Variants in RYR3 observed in about 807,000 individuals in gnomAD.
The protein encoded by RYR3 is brain ryanodine receptor-calcium release channel.
A neutral mutation model predicts 584.3 loss-of-function variants in RYR3; 207 were observed. That is an observed-to-expected ratio of 0.35 (90% CI 0.32 to 0.40). The LOEUF (loss-of-function observed/expected upper bound fraction) is 0.40. Among genes scored for constraint, RYR3 ranks in the 10% least tolerant of loss-of-function variants. The pLI, the probability that RYR3 is intolerant of heterozygous loss-of-function variation, is 1.00. For synonymous variants in RYR3, 2,416 were observed against 2,248.5 expected (o/e 1.07, Z -2.11); for missense variants, 5,616 against 6,089.2 (o/e 0.92, Z 2.59).
chr15:33,698,495 G>A (rs2066023978), intron 40 of RYR3, among the ~76,000 whole-genome samples: 1 of 152,208 alleles, frequency 6.6e-6, no homozygotes, highest in Non-Finnish European at 1.5e-5. Context: ...CTGTTGCTAA[G>A]GGGAGAGTTG....
chr15:33,531,868 G>A (rs2054906246), intron 4 of RYR3, among the ~76,000 whole-genome samples: 2 of 151,930 alleles, frequency 1.3e-5, no homozygotes, highest in African/African-American at 4.8e-5. Context: ...TATCTATAGG[G>A]TAAATAAAAC....
chr15:33,594,818 G>T (rs1050310892), intron 16 of RYR3, among the ~76,000 whole-genome samples: 2 of 152,144 alleles, frequency 1.3e-5, no homozygotes, highest in African/African-American at 4.8e-5. Flanking sequence ...AAGGAAATTT[G>T]TTACCTCTGT....
rs2041238146 is a variant in RYR3 at position 33,382,216 on chromosome 15, A to T, written c.51+71120A>T. On this transcript the variant is annotated intron_variant, in intron 1 of 103. Transcript: ENST00000634891. Reference sequence around the variant, plus strand: ...AGCAAAGTGTGTAGGCAGCAGCCAGATCATAAGGGACTCGTCTGCTGAATT... The same window carrying T: ...AGCAAAGTGTGTAGGCAGCAGCCAGTTCATAAGGGACTCGTCTGCTGAATT... Among the ~76,000 whole-genome samples, 3 of 151,890 alleles carry T rather than the reference A, an allele frequency of 2.0e-5. 1 individual carries two copies. In the South Asian group the frequency reaches 6.2e-4, roughly 32 times the overall value.
intron 43 of RYR3, among the ~76,000 whole-genome samples, chr15:33,722,208 A>T (rs761817010): frequency 5.3e-5 from 8 of 152,140 alleles, no homozygotes; most frequent in Non-Finnish European, 1.0e-4. Flanking sequence ...AAGGAAGCAG[A>T]TTTGCATGCC....
At chr15:33,531,054 C>T (rs2054824172) in intron 4 of RYR3, among the ~76,000 whole-genome samples, 1 of 152,068 alleles carries the variant, frequency 6.6e-6, no homozygotes, top group African/African-American at 2.4e-5. Context: ...GGATAACCAG[C>T]ATAGAAGAAA....
In RYR3 at chr15:33,838,765, C is replaced by G. The variant is rs765319074; in HGVS notation, c.12785C>G (p.Thr4262Ser). Residue 4262 changes from threonine (T) to serine (S), a missense_variant, in exon 89 of 104, where the codon ACT (threonine) becomes AGT (serine). Coordinates refer to ENST00000634891, the MANE Select transcript of RYR3 (RefSeq NM_001036.6). ...RAEVMEPGIT[T>S]ELVHFIKGEK... is the part of the protein sequence containing the mutation. ...GAGGTGATGGAGCCAGGTATCACCA[C>G]TGAACTAGTACACTTCATAAAGGGG... 6.2e-7 allele frequency: 1 copy of G among 1,613,906 alleles called. No individual in the cohort carries two copies. Among genetic ancestry groups the G allele is most frequent in the Non-Finnish European group, 8.5e-7 (1 of 1,179,866 alleles).
intron 32 of RYR3, among the ~76,000 whole-genome samples, chr15:33,653,373 T>C (rs984913477): frequency 2.0e-5 from 3 of 152,134 alleles, no homozygotes; most frequent in African/African-American, 7.2e-5. Flanking sequence ...ATAAGATGCT[T>C]TAAAAATACA....
At chr15:33,616,627 TGAA>T (rs2060465969) in intron 19 of RYR3, among the ~76,000 whole-genome samples, 1 of 152,152 alleles carries the variant, frequency 6.6e-6, no homozygotes, top group East Asian at 1.9e-4. Context: ...TGTGTTGACT[TGAA>T]GAACCAACAG....
chr15:33,563,037 T>C, intron 11 of RYR3, 27 bp downstream of exon 11: 1 of 1,585,728 alleles, frequency 6.3e-7, no homozygotes, highest in Non-Finnish European at 8.6e-7. Flanking sequence ...CTGTCTACAA[T>C]TGTTTTACCC....
At chr15:33,537,793 T>G (rs2055454776) in intron 5 of RYR3, among the ~76,000 whole-genome samples, 1 of 152,222 alleles carries the variant, frequency 6.6e-6, no homozygotes, top group South Asian at 2.1e-4. Context: ...CTCTGTAGGT[T>G]CTTTCAATCT....
At chr15:33,545,800 G>A (rs1323269728) in intron 8 of RYR3, among the ~76,000 whole-genome samples, 5 of 152,132 alleles carry the variant, frequency 3.3e-5, no homozygotes, top group African/African-American at 1.2e-4. Context: ...AGCCACTAAG[G>A]CATGCAGGTG....
chr15:33,411,303 C>T (rs1250994691), intron 1 of RYR3, among the ~76,000 whole-genome samples: 1 of 152,216 alleles, frequency 6.6e-6, no homozygotes, highest in Non-Finnish European at 1.5e-5. Flanking sequence ...CTCTACACAA[C>T]CCTCAGCCAT....
intron 1 of RYR3, among the ~76,000 whole-genome samples, chr15:33,432,690 G>GTGTGTGTGTGTGTT: frequency 6.7e-6 from 1 of 148,724 alleles, no homozygotes; most frequent in African/African-American, 2.5e-5. Flanking sequence ...GTGTGTGTGT[G>GTGTGTGTGTGTGTT]TGTGTGTTTA....
At chr15:33,762,361 C>A (rs1017459192) in intron 60 of RYR3, among the ~76,000 whole-genome samples, 3 of 152,112 alleles carry the variant, frequency 2.0e-5, no homozygotes, top group African/African-American at 7.2e-5. Context: ...GAAATGCCAT[C>A]GACTCAGCCC....
intron 2 of RYR3, among the ~76,000 whole-genome samples, chr15:33,479,551 C>T (rs1359134810): frequency 6.7e-6 from 1 of 150,132 alleles, no homozygotes; most frequent in Admixed American, 6.6e-5. Flanking sequence ...GCCGTGGGTG[C>T]CTACTGCTTT....
intron 1 of RYR3, among the ~76,000 whole-genome samples, chr15:33,454,827 G>A (rs1255764167): frequency 6.6e-6 from 1 of 152,202 alleles, no homozygotes; most frequent in Non-Finnish European, 1.5e-5. Flanking sequence ...ATTTGGGTCA[G>A]GGTTGGTGAG....
chr15:33,659,845 G>A, intron 33 of RYR3, 39 bp downstream of exon 33: 1 of 1,368,558 alleles, frequency 7.3e-7, no homozygotes, highest in Non-Finnish European at 1.0e-6. Context: ...CATGACAAGA[G>A]AAAGCAGCAC....
intron 1 of RYR3, among the ~76,000 whole-genome samples, chr15:33,436,164 G>C (rs1370978421): frequency 6.6e-6 from 1 of 152,094 alleles, no homozygotes; most frequent in Non-Finnish European, 1.5e-5. Flanking sequence ...GTGTTCATTT[G>C]AGTTGTCATT....
chr15:33,471,983 C>G (rs1430190314), intron 1 of RYR3, among the ~76,000 whole-genome samples: 3 of 152,192 alleles, frequency 2.0e-5, no homozygotes, highest in East Asian at 3.9e-4. Flanking sequence ...ATTTCACTCT[C>G]TTCAGAGATT....
Sources: gnomAD v4.1 joint callset for allele counts (sites outside exome capture counted in the v4.1 genomes callset) on GRCh38, gnomAD v4.1.1 for gene constraint, MANE v1.5 for transcripts, NCBI Gene and HGNC (gene_info 2026-07-23, HGNC 2026-07-21) for gene names.